Variants in UBAC2 observed in about 807,000 individuals in gnomAD.
UBAC2 encodes the protein UBA domain containing 2, also known as ubiquitin-associated domain-containing protein 2.
In UBAC2, 26 loss-of-function variants were observed where a neutral mutation model predicts 44.0. The observed-to-expected ratio is 0.59, with a 90% CI of 0.43 to 0.82. The LOEUF is 0.82. Among genes scored for constraint, UBAC2 ranks in the 40% least tolerant of loss-of-function variants. UBAC2 has a pLI of 0.00. For synonymous variants in UBAC2, 155 were observed against 154.3 expected, an observed-to-expected ratio of 1.00 and a Z score of -0.04; for missense variants, 329 against 419.4, an observed-to-expected ratio of 0.78 and a Z score of 1.88.
chr13:99,285,210 T>G (rs1266100733), intron 4 of UBAC2, among the ~76,000 whole-genome samples: 1 of 152,166 alleles, frequency 6.6e-6, no homozygotes, highest in Non-Finnish European at 1.5e-5. Flanking sequence ...AAATGCCCTT[T>G]TACATTTGCT....
intron 7 of UBAC2, among the ~76,000 whole-genome samples, chr13:99,356,541 G>C (rs999729396): frequency 1.3e-5 from 2 of 152,248 alleles, no homozygotes; most frequent in African/African-American, 4.8e-5. Context: ...ACTGGTCACT[G>C]TGAGAAACCA....
intron 1 of UBAC2, among the ~76,000 whole-genome samples, chr13:99,205,157 C>T (rs2042854872): frequency 6.6e-6 from 1 of 152,206 alleles, no homozygotes; most frequent in Non-Finnish European, 1.5e-5. Flanking sequence ...CCGCCTCGGC[C>T]TCCCAGAGTG....
At chr13:99,375,828 T>C (rs577065639) in intron 8 of UBAC2, among the ~76,000 whole-genome samples, 17 of 129,884 alleles carry the variant, frequency 1.3e-4, no homozygotes, top group African/African-American at 5.0e-4. Flanking sequence ...TTTTGAGACA[T>C]GGTCTTGCTC....
chr13:99,233,274 A>G lies in UBAC2; in HGVS notation c.32-5153A>G, dbSNP rs528990676. Among the ~76,000 whole-genome samples the G allele has an allele frequency of 2.6e-5, 4 of 152,002 alleles. No individual in the cohort carries two copies. The South Asian group carries it at 8.3e-4, about 32-fold the overall frequency. ...ACTGCAGGCACGCACCACCATGCCC[A>G]GCTAATTTTTGTATTTTTAGTAGAG... On this transcript the variant is annotated intron_variant, in intron 1 of 8. Coordinates refer to ENST00000403766, the MANE Select transcript of UBAC2 (RefSeq NM_001144072.2).
intron 1 of UBAC2, among the ~76,000 whole-genome samples, chr13:99,219,708 C>A (rs2225170): frequency 0.97 from 148,009 of 152,316 alleles, 72,043 homozygotes; most frequent in East Asian, 1. Flanking sequence ...TGTATTAAGC[C>A]GTCATGCCCT....
chr13:99,255,147 G>T (rs764458382), intron 4 of UBAC2: 71 of 1,613,920 alleles, frequency 4.4e-5, no homozygotes, highest in Non-Finnish European at 5.1e-5. Context: ...TAAAGCAGAC[G>T]AGCACCTGCA....
chr13:99,326,313 G>A (rs9517687), intron 6 of UBAC2, among the ~76,000 whole-genome samples: 22,285 of 151,956 alleles, frequency 0.15, 1,859 homozygotes, highest in East Asian at 0.32. Context: ...ATTTTTTCAT[G>A]TACCTATTGG....
intron 1 of UBAC2, among the ~76,000 whole-genome samples, chr13:99,209,128 C>G (rs1048387690): frequency 5.3e-5 from 8 of 152,226 alleles, no homozygotes; most frequent in Non-Finnish European, 1.2e-4. Flanking sequence ...TTTTCCAGCT[C>G]TCTAGATTTC....
At chr13:99,366,970 G>A (rs1369913385) in intron 7 of UBAC2, among the ~76,000 whole-genome samples, 1 of 152,174 alleles carries the variant, frequency 6.6e-6, no homozygotes, top group African/African-American at 2.4e-5. Flanking sequence ...CTATAATTTT[G>A]TCAGGACTAG....
chr13:99,385,180 A>G, intron 8 of UBAC2, 48 bp from the exon 9 acceptor site: 1 of 1,376,416 alleles, frequency 7.3e-7, no homozygotes, highest in Non-Finnish European at 1.0e-6. Flanking sequence ...CCCAGGGATA[A>G]GCGGCAATGT....
intron 7 of UBAC2, among the ~76,000 whole-genome samples, chr13:99,352,033 T>G (rs1009694256): frequency 6.6e-6 from 1 of 152,102 alleles, no homozygotes; most frequent in African/African-American, 2.4e-5. Flanking sequence ...CTCTTTATCC[T>G]CCCCCAGCAA....
chr13:99,296,119 A>G (rs776154558), intron 4 of UBAC2: 1 of 1,603,106 alleles, frequency 6.2e-7, no homozygotes. Flanking sequence ...AGGGCGGAGT[A>G]AAATTGTTTG....
At chr13:99,350,731 G>T (rs2045072191) in intron 7 of UBAC2, among the ~76,000 whole-genome samples, 1 of 152,220 alleles carries the variant, frequency 6.6e-6, no homozygotes, top group Admixed American at 6.5e-5. Context: ...CCAAGGAGTG[G>T]ACCACGGGAA....
chr13:99,338,047 C>CTTTTTCTTTTTTTTTTTTTTT (rs2044821100), intron 6 of UBAC2, among the ~76,000 whole-genome samples: 7 of 48,866 alleles, frequency 1.4e-4, no homozygotes, highest in East Asian at 1.2e-3. Context: ...TTCTTTTTTT[C>CTTTTTCTTTTTTTTTTTTTTT]TTTTTTTTTT....
At position 99,248,690 on chromosome 13, in the gene UBAC2, G is replaced by C. The variant is rs2043419914; in HGVS notation, c.389+4066G>C. The stretch of plus-strand genomic sequence containing the variant: ...GAGCCACTGTATCCGGCCATTTTTT[G>C]TTTGTTTGTTTGTTTTTGTAGAGAT... On this transcript the variant is annotated intron_variant, in intron 4 of 8. Transcript: ENST00000403766. Among the ~76,000 whole-genome samples the C allele has an allele frequency of 1.3e-5, 2 of 151,642 alleles. 1 individual carries two copies. Among genetic ancestry groups the C allele is most frequent in the South Asian group, 4.2e-4 (2 of 4,814 alleles).
intron 6 of UBAC2, among the ~76,000 whole-genome samples, chr13:99,332,440 A>G (rs1258628326): frequency 1.3e-5 from 2 of 152,222 alleles, no homozygotes; most frequent in East Asian, 3.8e-4. Flanking sequence ...TTATTAGTGG[A>G]CTAAGAGAAA....
rs921336627 is a variant in UBAC2, at chr13:99,250,939, C to T, written c.389+6315C>T. On this transcript the variant is annotated intron_variant, in intron 4 of 8. Transcript: ENST00000403766. The stretch of plus-strand genomic sequence containing the variant: ...TTTCTTTTGTATTTTTTAGTAGAGA[C>T]GGGGTTTCACTGCATTAGCCAGGAT... Among the ~76,000 whole-genome samples the T allele has an allele frequency of 5.3e-5, 8 of 151,880 alleles. No homozygotes were observed. In the East Asian group the frequency reaches 5.8e-4, roughly 11 times the overall value.
chr13:99,357,644 G>C (rs2045206550), intron 7 of UBAC2, among the ~76,000 whole-genome samples: 1 of 152,258 alleles, frequency 6.6e-6, no homozygotes, highest in Non-Finnish European at 1.5e-5. Flanking sequence ...GGTTTCACCA[G>C]TTTCCCAGCA....
intron 1 of UBAC2, among the ~76,000 whole-genome samples, chr13:99,219,301 G>C (rs567920582): frequency 6.6e-6 from 1 of 152,196 alleles, no homozygotes; most frequent in Non-Finnish European, 1.5e-5. Flanking sequence ...CCTGTGGTTA[G>C]TGTCTCCAGT....
Sources: gnomAD v4.1 joint callset for allele counts (sites outside exome capture counted in the v4.1 genomes callset) on GRCh38, gnomAD v4.1.1 for gene constraint, MANE v1.5 for transcripts, NCBI Gene and HGNC (gene_info 2026-07-23, HGNC 2026-07-21) for gene names.